MYO18B: variants seen among roughly 807,000 people sequenced by gnomAD.
MYO18B encodes the protein unconventional myosin-XVIIIb.
Under a neutral mutation model 273.0 loss-of-function variants are expected in MYO18B, and 204 were observed. That is an observed-to-expected ratio of 0.75 (90% CI 0.67 to 0.84). The LOEUF (loss-of-function observed/expected upper bound fraction) is 0.84, where lower values mean the gene tolerates loss of function less well. Ranked by LOEUF, MYO18B falls within the 40% of genes least tolerant of loss-of-function variation. The probability of loss-of-function intolerance (pLI) is 0.00; values close to 1 mark genes in which losing one functional copy is unlikely to be tolerated. For missense variants in MYO18B, 3,212 were observed against 3,287.6 expected, an observed-to-expected ratio of 0.98 and a Z score of 0.56; for synonymous variants, 1,330 against 1,305.7, an observed-to-expected ratio of 1.02 and a Z score of -0.40.
chr22:25,947,539 CA>C (rs1569223392), intron 35 of MYO18B, among the ~76,000 whole-genome samples, 172 bp from the exon 36 acceptor site: 58 of 141,900 alleles, frequency 4.1e-4, no homozygotes, highest in East Asian at 1.2e-3. Context: ...CACACACACA[CA>C]CACCAAGCTG....
At chr22:25,921,447 G>T in intron 34 of MYO18B, 38 bp downstream of exon 34, 1 of 1,582,676 alleles carries the variant, frequency 6.3e-7, no homozygotes. Context: ...TCAGGCTGGG[G>T]AGGATGCTAC....
chr22:25,959,265 CTTTTTTTTT>C (rs957809634), intron 39 of MYO18B: 1 of 119,270 alleles, frequency 8.4e-6, no homozygotes, highest in Admixed American at 9.1e-5. Flanking sequence ...CTCCATCTTC[CTTTTTTTTT>C]TTTTTTTTTT....
chr22:25,999,890 G>A (rs997403940), intron 40 of MYO18B, among the ~76,000 whole-genome samples: 4 of 152,076 alleles, frequency 2.6e-5, no homozygotes, highest in Non-Finnish European at 4.4e-5. Flanking sequence ...TCCTGACCTC[G>A]TGATCTGCCC....
chr22:25,869,218 G>C (rs190530178), intron 22 of MYO18B, among the ~76,000 whole-genome samples: 27 of 152,210 alleles, frequency 1.8e-4, no homozygotes, highest in Admixed American at 3.3e-4. Flanking sequence ...GGAGGCCAAG[G>C]CGGGCAGATC....
chr22:25,867,873 C>T (rs1329712417), intron 21 of MYO18B, among the ~76,000 whole-genome samples: 3 of 152,104 alleles, frequency 2.0e-5, no homozygotes, highest in Non-Finnish European at 2.9e-5. Flanking sequence ...CCTCGTGATC[C>T]GCCCACCTCA....
At chr22:25,759,342 C>T (rs894952691) in intron 1 of MYO18B, among the ~76,000 whole-genome samples, 4 of 150,700 alleles carry the variant, frequency 2.7e-5, no homozygotes, top group African/African-American at 7.3e-5. Flanking sequence ...ACTATGCAGC[C>T]GTAAGAGAGA....
intron 39 of MYO18B, among the ~76,000 whole-genome samples, chr22:25,990,832 C>T (rs1390115556): frequency 6.6e-6 from 1 of 151,822 alleles, no homozygotes; most frequent in African/African-American, 2.4e-5. Context: ...ACCCCACATC[C>T]TCAAATTTCT....
intron 42 of MYO18B, among the ~76,000 whole-genome samples, chr22:26,023,809 TTA>T (rs1936028711): frequency 6.6e-6 from 1 of 152,226 alleles, no homozygotes; most frequent in East Asian, 1.9e-4. Context: ...AAGCTGTTTA[TTA>T]ATAAAAAGTA....
intron 12 of MYO18B, among the ~76,000 whole-genome samples, chr22:25,810,184 G>A (rs1182370680): frequency 6.8e-6 from 1 of 148,024 alleles, no homozygotes; most frequent in Non-Finnish European, 1.5e-5. Context: ...TGCAAGCTCC[G>A]CCTCCCGGGT....
In MYO18B at chr22:25,769,061, C is replaced by T. The variant is rs201697628; in HGVS notation, c.1145C>T (p.Thr382Ile). Residue 382 changes from threonine (T) to isoleucine (I), a missense_variant, in exon 4 of 44, where the codon ACT becomes ATT. Physicochemically the swap from Thr to Ile is moderately conservative, Grantham distance 89. Transcript: ENST00000335473. ...GEKAGELRST[T>I]GKAGESWDKK... Reference sequence around the variant, plus strand: ...AAAGCAGGTGAGCTTCGGAGCACGACTGGGAAGGCAGGTGAGTCCTGGGAT... The same window carrying T: ...AAAGCAGGTGAGCTTCGGAGCACGATTGGGAAGGCAGGTGAGTCCTGGGAT... 163 of 1,612,478 alleles carry T rather than the reference C, an allele frequency of 1.0e-4. No homozygotes were observed. The highest frequency in any genetic ancestry group is 1.3e-4 in the Non-Finnish European group (152 of 1,179,318).
chr22:25,944,531 C>G (rs2092682282), intron 34 of MYO18B, among the ~76,000 whole-genome samples: 1 of 152,148 alleles, frequency 6.6e-6, no homozygotes. Flanking sequence ...GTGCAGGCAT[C>G]CTGCTGTGAG....
intron 25 of MYO18B, among the ~76,000 whole-genome samples, chr22:25,882,219 C>G (rs1045104311): frequency 1.3e-5 from 2 of 152,106 alleles, no homozygotes; most frequent in Non-Finnish European, 2.9e-5. Context: ...TCAAATAATC[C>G]CAGTCCCTGG....
intron 36 of MYO18B, 84 bp downstream of exon 36, chr22:25,947,912 C>A: frequency 1.0e-6 from 1 of 993,588 alleles, no homozygotes; most frequent in Non-Finnish European, 1.6e-6. Context: ...TGTGGTTGGA[C>A]TACTCCCTGG....
At chr22:25,775,022 G>T (rs114636791) in intron 7 of MYO18B, among the ~76,000 whole-genome samples, 1,996 of 152,358 alleles carry the variant, frequency 0.013, 43 homozygotes, top group African/African-American at 0.045. Flanking sequence ...CATATAGGAG[G>T]GCCTTCAGGA....
rs2236005 is a variant in MYO18B, at chr22:26,027,014, A to G, written c.7040A>G (p.Gln2347Arg). 0.21 allele frequency: 333,428 copies of G among 1,613,716 alleles called. 52,230 individuals carry two copies. Among genetic ancestry groups the G allele is most frequent in the African/African-American group, 0.81 (60,882 of 74,980 alleles). ...TTLLPEKSKT[Q>R]FSSCESLLES... ...CTACTCCCCGAAAAGTCGAAAACCCAATTCAGTTCCTGCGAGTCCCTCTTA... is the reference window on the plus strand; with the variant it reads ...CTACTCCCCGAAAAGTCGAAAACCCGATTCAGTTCCTGCGAGTCCCTCTTA... The change falls in exon 43 of 44, where the codon CAA (glutamine) becomes CGA (arginine). Residue 2347 changes from glutamine to arginine, a missense_variant. Physicochemically the swap from Gln to Arg is conservative, Grantham distance 43. Coordinates refer to ENST00000335473, the MANE Select transcript of MYO18B (RefSeq NM_032608.7). This position sits in a 1 kb window ranked among gnomAD's most constrained non-coding sequence, Gnocchi z 4.1.
intron 21 of MYO18B, among the ~76,000 whole-genome samples, chr22:25,863,985 G>A (rs903823124): frequency 1.3e-4 from 20 of 152,196 alleles, no homozygotes; most frequent in African/African-American, 4.8e-4. Flanking sequence ...AACAACCTTA[G>A]GCTTAGCTGT....
intron 17 of MYO18B, among the ~76,000 whole-genome samples, chr22:25,835,863 G>T (rs1227760332): frequency 6.6e-6 from 1 of 152,234 alleles, no homozygotes; most frequent in African/African-American, 2.4e-5. Context: ...GATGGCTTCT[G>T]GGCTCAGACT....
intron 12 of MYO18B, among the ~76,000 whole-genome samples, chr22:25,801,862 T>C (rs1199636859): frequency 6.6e-6 from 1 of 152,194 alleles, no homozygotes; most frequent in Non-Finnish European, 1.5e-5. Flanking sequence ...GACATAGAGC[T>C]AAAGCTAGAG....
chr22:25,844,177 A>G (rs1283619117), intron 18 of MYO18B, among the ~76,000 whole-genome samples: 1 of 152,226 alleles, frequency 6.6e-6, no homozygotes, highest in African/African-American at 2.4e-5. Flanking sequence ...TTCATTAAGT[A>G]TCTGAGAGAT....
Sources: gnomAD v4.1 joint callset for allele counts (sites outside exome capture counted in the v4.1 genomes callset) on GRCh38, gnomAD v4.1.1 for gene constraint, Gnocchi (gnomAD v3.1) non-coding constraint, MANE v1.5 for transcripts, NCBI Gene and HGNC (gene_info 2026-07-23, HGNC 2026-07-21) for gene names.